Variants in CNTNAP2 observed in about 807,000 individuals in gnomAD.
CNTNAP2 encodes the protein contactin associated protein 2.
CNTNAP2 carries 98 observed loss-of-function variants against 155.2 expected under a neutral mutation model. The observed-to-expected ratio is 0.63, with a 90% CI of 0.54 to 0.75. The LOEUF (loss-of-function observed/expected upper bound fraction) is 0.75. CNTNAP2 is among the 30% of genes least tolerant of loss of function. The probability of loss-of-function intolerance (pLI) is 0.00; values close to 1 mark genes in which losing one functional copy is unlikely to be tolerated. For missense variants in CNTNAP2, 1,727 were observed against 1,688.1 expected (o/e 1.02, Z -0.40); for synonymous variants, 651 against 631.2 (o/e 1.03, Z -0.47).
intron 1 of CNTNAP2, among the ~76,000 whole-genome samples, chr7:146,380,566 A>T (rs1415188679): frequency 6.6e-6 from 1 of 152,072 alleles, no homozygotes; most frequent in Non-Finnish European, 1.5e-5. Flanking sequence ...ATCTTTAACC[A>T]TCATAAAAAA....
At chr7:146,943,423 CAG>C (rs1379433338) in intron 3 of CNTNAP2, among the ~76,000 whole-genome samples, 1 of 152,140 alleles carries the variant, frequency 6.6e-6, no homozygotes, top group Admixed American at 6.5e-5. Flanking sequence ...ACCTGGGAGA[CAG>C]AGGTTGCAGT....
intron 1 of CNTNAP2, among the ~76,000 whole-genome samples, chr7:146,729,903 TA>T (rs1322734787): frequency 1.3e-5 from 2 of 152,302 alleles, no homozygotes; most frequent in African/African-American, 4.8e-5. Flanking sequence ...ACAGTAGAGC[TA>T]ATTTAAAATG....
At chr7:147,744,587 T>G (rs1051766693) in intron 13 of CNTNAP2, among the ~76,000 whole-genome samples, 3 of 152,194 alleles carry the variant, frequency 2.0e-5, no homozygotes, top group African/African-American at 7.2e-5. Flanking sequence ...CATAATAAAA[T>G]AACAAAGATT....
At chr7:146,159,824 A>G (rs1798188835) in intron 1 of CNTNAP2, among the ~76,000 whole-genome samples, 1 of 152,210 alleles carries the variant, frequency 6.6e-6, no homozygotes, top group African/African-American at 2.4e-5. Context: ...AACATTAGAC[A>G]GATCAATGAG....
At chr7:148,001,201 A>G (rs2116893419) in intron 15 of CNTNAP2, among the ~76,000 whole-genome samples, 1 of 152,354 alleles carries the variant, frequency 6.6e-6, no homozygotes, top group Non-Finnish European at 1.5e-5. Context: ...TCAACCTGCT[A>G]CAATGGCCAA....
Position 147,676,970 on chromosome 7 carries a change from C to T in CNTNAP2, c.2098+37664C>T, listed in dbSNP as rs183543170. ...CTGTTGTGAATAATGCTGCAGCGAA[C>T]GTGAGAATGTAGATATCTCTTTGAC... On this transcript the variant is annotated intron_variant, in intron 13 of 23. Transcript: ENST00000361727. Among the ~76,000 whole-genome samples, 13 of 151,914 alleles carry T rather than the reference C, an allele frequency of 8.6e-5. No individual in the cohort carries two copies. The East Asian group carries it at 9.7e-4, about 11-fold the overall frequency.
intron 1 of CNTNAP2, among the ~76,000 whole-genome samples, chr7:146,764,490 T>G (rs1802161276): frequency 6.6e-6 from 1 of 151,762 alleles, no homozygotes; most frequent in Non-Finnish European, 1.5e-5. Context: ...TTTTTTTCTT[T>G]TAAATTAGAA....
At chr7:148,375,420 C>T (rs930029883) in intron 21 of CNTNAP2, among the ~76,000 whole-genome samples, 3 of 149,628 alleles carry the variant, frequency 2.0e-5, no homozygotes, top group Non-Finnish European at 3.0e-5. Flanking sequence ...AGCGCAATGC[C>T]GTGATCTCGG....
chr7:147,648,037 G>A (rs1795395080), intron 13 of CNTNAP2, among the ~76,000 whole-genome samples: 1 of 152,130 alleles, frequency 6.6e-6, no homozygotes, highest in Non-Finnish European at 1.5e-5. Flanking sequence ...GAAAGAGCAG[G>A]GGTAAGTTTT....
At chr7:148,103,418 C>A (rs1804145812) in intron 15 of CNTNAP2, among the ~76,000 whole-genome samples, 1 of 152,072 alleles carries the variant, frequency 6.6e-6, no homozygotes, top group Admixed American at 6.6e-5. Flanking sequence ...GATACAAATT[C>A]TCAGATTTCT....
intron 1 of CNTNAP2, among the ~76,000 whole-genome samples, chr7:146,359,023 G>T (rs938984254): frequency 7.2e-5 from 11 of 152,182 alleles, no homozygotes; most frequent in African/African-American, 2.2e-4. Flanking sequence ...CTTTGCTGTG[G>T]TTCATCTTAA....
chr7:146,796,181 T>C (rs541570235), intron 2 of CNTNAP2, among the ~76,000 whole-genome samples: 3 of 152,238 alleles, frequency 2.0e-5, no homozygotes, highest in Admixed American at 6.5e-5. Flanking sequence ...ATCGGTTACT[T>C]CTAAGTTGCA....
At chr7:146,647,654 G>A (rs530518228) in intron 1 of CNTNAP2, among the ~76,000 whole-genome samples, 5 of 152,180 alleles carry the variant, frequency 3.3e-5, no homozygotes, top group South Asian at 2.1e-4. Context: ...TGGTGGCTGC[G>A]AAAAGAAAAA....
chr7:146,954,830 C>A (rs1430415752), intron 3 of CNTNAP2, among the ~76,000 whole-genome samples: 2 of 151,884 alleles, frequency 1.3e-5, no homozygotes, highest in African/African-American at 4.8e-5. Flanking sequence ...CCAAGTCTAG[C>A]TTTACTTTTT....
At chr7:147,456,524 T>G (rs1285616195) in intron 10 of CNTNAP2, among the ~76,000 whole-genome samples, 1 of 152,164 alleles carries the variant, frequency 6.6e-6, no homozygotes, top group Admixed American at 6.5e-5. Flanking sequence ...TTTTTTTCTT[T>G]CATTGGAGAG....
intron 1 of CNTNAP2, among the ~76,000 whole-genome samples, chr7:146,348,939 G>A (rs1794870979): frequency 6.6e-6 from 1 of 151,696 alleles, no homozygotes; most frequent in African/African-American, 2.4e-5. Flanking sequence ...AAGTTCATCA[G>A]TTTCAAATAA....
intron 1 of CNTNAP2, among the ~76,000 whole-genome samples, chr7:146,743,467 G>T (rs910627343): frequency 2.6e-5 from 4 of 152,124 alleles, no homozygotes. Context: ...ACCAAATTAT[G>T]GATGTACATC....
At chr7:147,539,286 C>T (rs1238837000) in intron 11 of CNTNAP2, among the ~76,000 whole-genome samples, 1 of 152,110 alleles carries the variant, frequency 6.6e-6, no homozygotes, top group African/African-American at 2.4e-5. Flanking sequence ...GTACAAGACT[C>T]TCTAAATGTT....
intron 15 of CNTNAP2, among the ~76,000 whole-genome samples, chr7:148,011,150 G>GTA (rs1388356374): frequency 6.6e-6 from 1 of 151,992 alleles, no homozygotes; most frequent in Non-Finnish European, 1.5e-5. Context: ...GAAATTATAT[G>GTA]TATATATATA....
Sources: allele counts gnomAD v4.1 joint callset (sites outside exome capture counted in the v4.1 genomes callset), GRCh38; gene constraint gnomAD v4.1.1; transcripts MANE v1.5; gene names NCBI Gene and HGNC (gene_info 2026-07-23, HGNC 2026-07-21).